TSNARE1: variants seen among roughly 807,000 people sequenced by gnomAD.
TSNARE1 encodes the protein t-SNARE domain containing 1.
A neutral mutation model predicts 62.0 loss-of-function variants in TSNARE1; 49 were observed. The ratio of observed to expected loss-of-function variants is 0.79; its 90% CI spans 0.63 to 1.00. The LOEUF is 1.00. Among genes scored for constraint, TSNARE1 ranks in the 50% least tolerant of loss-of-function variants. TSNARE1 has a pLI of 0.00. For synonymous variants in TSNARE1, 328 were observed against 294.4 expected, an observed-to-expected ratio of 1.11 and a Z score of -1.17; for missense variants, 755 against 700.1, an observed-to-expected ratio of 1.08 and a Z score of -0.88.
intron 4 of TSNARE1, among the ~76,000 whole-genome samples, chr8:142,338,204 G>A (rs1253969344): frequency 1.3e-5 from 2 of 152,218 alleles, no homozygotes; most frequent in Non-Finnish European, 2.9e-5. Context: ...CGGCAGGCAC[G>A]CTCCCCACCA....
intron 13 of TSNARE1, among the ~76,000 whole-genome samples, chr8:142,229,269 G>A (rs540442445): frequency 6.6e-6 from 1 of 151,470 alleles, no homozygotes; most frequent in East Asian, 2.0e-4. Context: ...GTGGATGGGT[G>A]GATGGATGGA....
At chr8:142,229,433 G>A (rs2130069168) in intron 13 of TSNARE1, 40 bp downstream of exon 13, 4 of 1,461,654 alleles carry the variant, frequency 2.7e-6, no homozygotes, top group Non-Finnish European at 3.8e-6. Context: ...TGGTGGATGT[G>A]CAGATGAATG....
At chr8:142,233,892 T>C (rs548120256) in intron 12 of TSNARE1, among the ~76,000 whole-genome samples, 2 of 152,220 alleles carry the variant, frequency 1.3e-5, no homozygotes, top group East Asian at 1.9e-4. Flanking sequence ...AACCAGCCAC[T>C]GCACCCTCCC....
intron 4 of TSNARE1, among the ~76,000 whole-genome samples, chr8:142,338,702 G>T (rs898549867): frequency 3.3e-5 from 5 of 152,246 alleles, no homozygotes; most frequent in African/African-American, 1.2e-4. Context: ...GAAGGATGTG[G>T]CCCCGGCTCA....
intron 13 of TSNARE1, among the ~76,000 whole-genome samples, chr8:142,222,684 CCACT>C (rs1251897859): frequency 0.28 from 24,068 of 84,826 alleles, 5,265 homozygotes; most frequent in Middle Eastern, 0.37. Flanking sequence ...ATCCACTCAT[CCACT>C]CACTCACTCA....
intron 12 of TSNARE1, among the ~76,000 whole-genome samples, chr8:142,266,668 A>C (rs542355818): frequency 1.3e-5 from 2 of 152,304 alleles, no homozygotes; most frequent in South Asian, 4.2e-4. Flanking sequence ...CAGTTCACCC[A>C]TGATGTGCCC....
intron 1 of TSNARE1, among the ~76,000 whole-genome samples, chr8:142,371,144 T>C (rs575806609): frequency 5.3e-5 from 8 of 152,318 alleles, no homozygotes; most frequent in Non-Finnish European, 1.2e-4. Context: ...AATCAACAAA[T>C]TCCTTGAAGG....
rs550210711 is a variant in TSNARE1, at chr8:142,259,220, G to A, written c.1446+15561C>T. Among the ~76,000 whole-genome samples, 20 of 152,374 alleles carry A rather than the reference G, an allele frequency of 1.3e-4. No homozygotes were observed. In the South Asian group the frequency reaches 3.7e-3, roughly 28 times the overall value. On this transcript the variant is annotated intron_variant, in intron 12 of 13. Coordinates refer to ENST00000524325, the MANE Select transcript of TSNARE1 (RefSeq NM_145003.5). ...CAGCACCCCAACTCCCGTGACTGCT[G>A]TCTCTACCCTTCCCTCAGCTGTGAG...
chr8:142,360,407 G>A (rs539076182), intron 1 of TSNARE1, among the ~76,000 whole-genome samples: 23 of 152,188 alleles, frequency 1.5e-4, no homozygotes, highest in African/African-American at 3.6e-4. Flanking sequence ...CCCGCTGAGC[G>A]GAAGCTGGCA....
chr8:142,317,657 C>G (rs1022068127), intron 7 of TSNARE1, among the ~76,000 whole-genome samples: 1 of 152,156 alleles, frequency 6.6e-6, no homozygotes, highest in African/African-American at 2.4e-5. Context: ...GGTGTGGGGA[C>G]AGTCAGAAGT....
intron 13 of TSNARE1, among the ~76,000 whole-genome samples, chr8:142,217,367 GA>G (rs960964921): frequency 0.013 from 1,782 of 137,784 alleles, 55 homozygotes; most frequent in African/African-American, 0.042. Flanking sequence ...AAGAAAGAAA[GA>G]AAGAAAAAAG....
In TSNARE1 at chr8:142,362,458, G is replaced by A. The variant is rs566193047; in HGVS notation, c.-39-7695C>T. Among the ~76,000 whole-genome samples, 6 of 152,292 alleles carry A rather than the reference G, an allele frequency of 3.9e-5. No homozygotes were observed. The South Asian group carries it at 1.0e-3, about 26-fold the overall frequency. ...AGAACACAGTCTGAGCCCACTTTCT[G>A]CTGCTGTAACAGAATGTCACTCACA... is the stretch of plus-strand genomic sequence containing the variant. On this transcript the variant is annotated intron_variant, in intron 1 of 13. Transcript: ENST00000524325.
intron 11 of TSNARE1, chr8:142,276,601 T>A (rs1040149531): frequency 3.0e-6 from 3 of 985,294 alleles, no homozygotes; most frequent in Non-Finnish European, 1.2e-6. Context: ...ACAGGCCATG[T>A]GCCCTGGCTG....
chr8:142,327,144 C>G (rs955961604), intron 6 of TSNARE1, among the ~76,000 whole-genome samples: 2 of 152,222 alleles, frequency 1.3e-5, no homozygotes, highest in African/African-American at 4.8e-5. Context: ...AAATCTACAC[C>G]CACGCAAACA....
At chr8:142,310,539 AT>A (rs1224492029) in intron 9 of TSNARE1, among the ~76,000 whole-genome samples, 1 of 151,258 alleles carries the variant, frequency 6.6e-6, no homozygotes, top group African/African-American at 2.5e-5. Context: ...GAGTTCTCTC[AT>A]TTTTGTGCCT....
intron 6 of TSNARE1, among the ~76,000 whole-genome samples, chr8:142,329,242 G>A (rs1830677634): frequency 6.6e-6 from 1 of 152,210 alleles, no homozygotes. Flanking sequence ...AAAGCACTAA[G>A]GCGAGTTTCC....
At chr8:142,328,761 T>C (rs926217731) in intron 6 of TSNARE1, among the ~76,000 whole-genome samples, 8 of 137,578 alleles carry the variant, frequency 5.8e-5, no homozygotes, top group African/African-American at 2.3e-4. Flanking sequence ...GCCCCGCCCA[T>C]GGGATCGCAA....
At chr8:142,272,425 TATCCACCC>T (rs146919163) in intron 12 of TSNARE1, among the ~76,000 whole-genome samples, 5 of 43,558 alleles carry the variant, frequency 1.1e-4, no homozygotes, top group South Asian at 7.5e-4. Context: ...TCCATCCACC[TATCCACCC>T]GCCTGTCTAC....
chr8:142,237,512 G>T (rs1817492038), intron 12 of TSNARE1, among the ~76,000 whole-genome samples: 2 of 152,196 alleles, frequency 1.3e-5, no homozygotes, highest in Admixed American at 6.5e-5. Context: ...TCTCCACCGT[G>T]TGCCAGCGGA....
Sources: allele counts gnomAD v4.1 joint callset (sites outside exome capture counted in the v4.1 genomes callset), GRCh38; gene constraint gnomAD v4.1.1; transcripts MANE v1.5; gene names NCBI Gene and HGNC (gene_info 2026-07-23, HGNC 2026-07-21).